The following ADAMTSL1 variants were observed in gnomAD, a reference collection of about 807,000 sequenced individuals.
ADAMTSL1 encodes ADAMTS like 1.
A neutral mutation model predicts 201.8 loss-of-function variants in ADAMTSL1; 126 were observed. The ratio of observed to expected loss-of-function variants is 0.62; its 90% CI spans 0.54 to 0.72. The LOEUF is 0.72. Ranked by LOEUF, ADAMTSL1 falls within the 30% of genes least tolerant of loss-of-function variation. The pLI is 0.00. For missense variants in ADAMTSL1, 2,679 were observed against 2,277.8 expected (o/e 1.18, Z -3.59); for synonymous variants, 1,121 against 903.4 (o/e 1.24, Z -4.32).
At chr9:18,287,538 A>T (rs1833045222) in intron 2 of ADAMTSL1, among the ~76,000 whole-genome samples, 1 of 151,216 alleles carries the variant, frequency 6.6e-6, no homozygotes, top group African/African-American at 2.4e-5. Flanking sequence ...TATATGTAAA[A>T]TACATATACA....
chr9:18,569,345 G>A (rs1822148627), intron 3 of ADAMTSL1, among the ~76,000 whole-genome samples: 1 of 152,152 alleles, frequency 6.6e-6, no homozygotes, highest in South Asian at 2.1e-4. Context: ...TTAGAATTGA[G>A]TGCTTAAAAC....
At chr9:18,071,860 T>C (rs1822983887) in intron 1 of ADAMTSL1, among the ~76,000 whole-genome samples, 1 of 152,222 alleles carries the variant, frequency 6.6e-6, no homozygotes, top group Non-Finnish European at 1.5e-5. Flanking sequence ...TGAAGGGTGC[T>C]GAATGATGAT....
At chr9:18,282,630 G>T (rs375686467) in intron 2 of ADAMTSL1, among the ~76,000 whole-genome samples, 2 of 152,220 alleles carry the variant, frequency 1.3e-5, no homozygotes, top group Non-Finnish European at 2.9e-5. Context: ...GGGTGCAGTG[G>T]CTCACGCCTG....
chr9:18,710,597 T>C (rs564502811), intron 14 of ADAMTSL1, among the ~76,000 whole-genome samples: 4 of 152,008 alleles, frequency 2.6e-5, no homozygotes, highest in Admixed American at 6.5e-5. Context: ...GAGGAGATTA[T>C]TGGTGTCTTT....
At chr9:18,502,110 G>T (rs1004893691) in intron 1 of ADAMTSL1, among the ~76,000 whole-genome samples, 3 of 152,190 alleles carry the variant, frequency 2.0e-5, no homozygotes, top group African/African-American at 7.2e-5. Context: ...TTTGGCATTC[G>T]AGTGTTCTTA....
intron 7 of ADAMTSL1, among the ~76,000 whole-genome samples, chr9:18,644,084 C>G (rs1827622007): frequency 6.6e-6 from 1 of 151,718 alleles, no homozygotes; most frequent in Admixed American, 6.6e-5. Flanking sequence ...CAGTGTCTTT[C>G]ACTTTCTTGA....
intron 1 of ADAMTSL1, among the ~76,000 whole-genome samples, chr9:17,950,333 A>T (rs1451440803): frequency 6.6e-6 from 1 of 152,136 alleles, no homozygotes; most frequent in Admixed American, 6.6e-5. Context: ...TAGAATTAAT[A>T]TAAATTACAT....
intron 1 of ADAMTSL1, among the ~76,000 whole-genome samples, chr9:18,034,342 C>G (rs1821102148): frequency 2.0e-5 from 3 of 152,068 alleles, no homozygotes; most frequent in African/African-American, 7.2e-5. Flanking sequence ...TTTCTAATTC[C>G]CAAACCAAAC....
chr9:18,202,227 A>G (rs548935800), intron 2 of ADAMTSL1, among the ~76,000 whole-genome samples: 1 of 152,290 alleles, frequency 6.6e-6, no homozygotes, highest in Admixed American at 6.5e-5. Context: ...CTTCCAACAT[A>G]TTAAAGCTGT....
chr9:18,645,692 T>C (rs1647773097), intron 7 of ADAMTSL1, among the ~76,000 whole-genome samples: 1 of 150,082 alleles, frequency 6.7e-6, no homozygotes, highest in African/African-American at 2.5e-5. Flanking sequence ...AAAGATCAGA[T>C]AGTTGTAGAT....
chr9:18,017,456 T>C (rs955812331), intron 1 of ADAMTSL1, among the ~76,000 whole-genome samples: 50 of 151,892 alleles, frequency 3.3e-4, no homozygotes, highest in African/African-American at 1.2e-3. Context: ...TTGGGAAAAA[T>C]TATGTTGACA....
At chr9:18,688,731 A>G (rs1441681178) in intron 13 of ADAMTSL1, among the ~76,000 whole-genome samples, 1 of 120,154 alleles carries the variant, frequency 8.3e-6, no homozygotes, top group East Asian at 2.5e-4. Context: ...AGAATGCCTA[A>G]TCTCCTGGGA....
At chr9:17,984,616 A>G (rs1414252983) in intron 1 of ADAMTSL1, among the ~76,000 whole-genome samples, 1 of 152,144 alleles carries the variant, frequency 6.6e-6, no homozygotes, top group Non-Finnish European at 1.5e-5. Context: ...CTATTTCCAG[A>G]TACCTTTCTA....
At chr9:18,380,912 C>A (rs10733352) in intron 2 of ADAMTSL1, among the ~76,000 whole-genome samples, 1 of 152,066 alleles carries the variant, frequency 6.6e-6, no homozygotes, top group African/African-American at 2.4e-5. Flanking sequence ...CCAAAGAGAA[C>A]CCTTTATGCT....
rs562036423 is a variant in ADAMTSL1 at position 18,454,446 on chromosome 9, A to C, written c.208-50383A>C. Among the ~76,000 whole-genome samples, 180 of 152,294 alleles carry C rather than the reference A, an allele frequency of 1.2e-3. 1 individual carries two copies. The highest frequency in any genetic ancestry group is 3.4e-3 in the Middle Eastern group (1 of 294). On this transcript the variant is annotated intron_variant, in intron 2 of 29. Transcript: ENST00000680146. ...TAATCTCCTCTGGAAACACCCTCAC[A>C]GACACACCCAGAAATAATGCTTTAC... is the stretch of plus-strand genomic sequence containing the variant.
rs766266836 is a variant in ADAMTSL1, at chr9:18,795,536, A to G, written c.3805+12A>G. The G allele has an allele frequency of 8.7e-6, 14 of 1,601,866 alleles. No homozygotes were observed. In the African/African-American group the frequency reaches 1.1e-4, roughly 12 times the overall value. Reference sequence around the variant, plus strand: ...CGTCACATTAGCAGGTAACCCAAAAATCCCTGTTCTGTTCATTTCATAAAC... The same window carrying G: ...CGTCACATTAGCAGGTAACCCAAAAGTCCCTGTTCTGTTCATTTCATAAAC... On this transcript the variant is annotated intron_variant, in intron 20 of 28. Transcript: ENST00000380548.
At chr9:18,058,544 A>C (rs1420820683) in intron 1 of ADAMTSL1, among the ~76,000 whole-genome samples, 1 of 151,960 alleles carries the variant, frequency 6.6e-6, no homozygotes. Context: ...TTTTTCAATG[A>C]TTATAACTAT....
intron 2 of ADAMTSL1, among the ~76,000 whole-genome samples, chr9:18,233,089 C>G (rs553406874): frequency 1.3e-5 from 2 of 152,256 alleles, no homozygotes; most frequent in South Asian, 4.1e-4. Flanking sequence ...AATGCTGAAG[C>G]TAAAACAATA....
intron 23 of ADAMTSL1, among the ~76,000 whole-genome samples, chr9:18,841,679 G>C (rs1825724348): frequency 6.6e-6 from 1 of 152,116 alleles, no homozygotes; most frequent in Non-Finnish European, 1.5e-5. Context: ...GACTGTTTTT[G>C]GTTGGTAAGC....
Sources: gnomAD v4.1 joint callset for allele counts (sites outside exome capture counted in the v4.1 genomes callset) on GRCh38, gnomAD v4.1.1 for gene constraint, MANE v1.5 for transcripts, NCBI Gene and HGNC (gene_info 2026-07-23, HGNC 2026-07-21) for gene names.